The following KLHL13 variants were observed in gnomAD, a reference collection of about 807,000 sequenced individuals.
KLHL13 encodes kelch-like protein 13.
KLHL13 carries 10 observed loss-of-function variants against 37.1 expected under a neutral mutation model. The ratio of observed to expected loss-of-function variants is 0.27; its 90% CI spans 0.17 to 0.46. KLHL13 has a LOEUF of 0.46. KLHL13 is among the 20% of genes least tolerant of loss of function. The pLI, the probability that KLHL13 is intolerant of heterozygous loss-of-function variation, is 1.00. For missense variants in KLHL13, 360 were observed against 509.3 expected, an observed-to-expected ratio of 0.71 and a Z score of 2.82; for synonymous variants, 163 against 181.2, an observed-to-expected ratio of 0.90 and a Z score of 0.81.
At chrX:118,116,992 G>C (rs1357843152), upstream of KLHL13, 1 of 112,594 alleles carries the variant, frequency 8.9e-6, no homozygotes, top group African/African-American at 3.2e-5. Context: ...GAACTCCCAG[G>C]CTGTAGCGAA....
chrX:118,011,985 T>C (rs1167739315), intron 1 of KLHL13, among the ~76,000 whole-genome samples: 1 of 112,302 alleles, frequency 8.9e-6, no homozygotes, highest in Non-Finnish European at 1.9e-5. Context: ...AAATAGCTAG[T>C]TACTTCTGAT....
chrX:118,070,955 G>A (rs1448324096), intron 1 of KLHL13, among the ~76,000 whole-genome samples: 1 of 103,261 alleles, frequency 9.7e-6, no homozygotes, highest in African/African-American at 3.6e-5. Flanking sequence ...CCCTTCCTGT[G>A]TCCATGTGTT....
intron 1 of KLHL13, among the ~76,000 whole-genome samples, chrX:117,967,346 T>C (rs1280147975): frequency 9.0e-6 from 1 of 111,700 alleles, no homozygotes; most frequent in Non-Finnish European, 1.9e-5. Context: ...TGTTTGTAAT[T>C]CTTAACTCTT....
intron 1 of KLHL13, among the ~76,000 whole-genome samples, chrX:118,045,842 T>C (rs1358374744): frequency 3.6e-5 from 4 of 111,376 alleles, no homozygotes; most frequent in African/African-American, 1.3e-4. Flanking sequence ...TACACTGAGA[T>C]ATCATCTCAT....
intron 2 of KLHL13, among the ~76,000 whole-genome samples, chrX:117,941,765 T>C (rs1041862905): frequency 2.7e-5 from 3 of 111,652 alleles, no homozygotes; most frequent in African/African-American, 9.8e-5. Flanking sequence ...TCTATTTTGT[T>C]GATCTTTTCA....
Position 118,011,073 on chromosome X carries a change from AAAAT to A in KLHL13, c.-55-65502_-55-65499del, listed in dbSNP as rs746728611. Among the ~76,000 whole-genome samples, 17 of 108,367 alleles carry A rather than the reference AAAAT, an allele frequency of 1.6e-4. No homozygotes were observed. The East Asian group carries it at 2.0e-3, about 13-fold the overall frequency. The allele number at this position is 108,367 out of a possible 115,157, so 94.1% of individuals were successfully genotyped here. ...GGGTGACAGAGTGAGACACTGTCTC[AAAAT>A]AAATAAATAAATAAATAAATAAATA... On this transcript the variant is annotated intron_variant, in intron 1 of 6. Transcript: ENST00000371882.
chrX:118,038,289 G>A (rs2148052037), intron 1 of KLHL13, among the ~76,000 whole-genome samples: 1 of 112,286 alleles, frequency 8.9e-6, no homozygotes, highest in East Asian at 2.8e-4. Context: ...CCTGTAGGAA[G>A]ACGAAATTGA....
chrX:118,113,962 GAAT>G (rs2055439733), intron 1 of KLHL13, among the ~76,000 whole-genome samples: 1 of 112,072 alleles, frequency 8.9e-6, no homozygotes, highest in South Asian at 3.7e-4. Context: ...TGATTGTTAT[GAAT>G]ATCAGTAACT....
At chrX:118,053,802 A>AGAGAGAGGAGAG (rs2054646775) in intron 1 of KLHL13, among the ~76,000 whole-genome samples, 1 of 53,648 alleles carries the variant, frequency 1.9e-5, no homozygotes, top group African/African-American at 1.0e-4. Flanking sequence ...TGTGTGTGAG[A>AGAGAGAGGAGAG]GAGAGAGAGA....
intron 1 of KLHL13, among the ~76,000 whole-genome samples, chrX:117,989,536 A>C (rs1401188826): frequency 9.0e-6 from 1 of 111,083 alleles, no homozygotes; most frequent in Non-Finnish European, 1.9e-5. Context: ...AGGAATAGTT[A>C]ATGGAAGCTA....
intron 1 of KLHL13, among the ~76,000 whole-genome samples, chrX:118,009,048 C>G (rs2054023102): frequency 9.0e-6 from 1 of 111,371 alleles, no homozygotes; most frequent in Admixed American, 9.6e-5. Context: ...AGAGTCAATG[C>G]TATTGAGAAG....
At chrX:117,914,166 C>CT (rs962730620) in intron 4 of KLHL13, 5 of 106,998 alleles carry the variant, frequency 4.7e-5, no homozygotes, top group Non-Finnish European at 7.7e-5. Context: ...AAATCTAGGA[C>CT]TTTTTTTAAA....
intron 1 of KLHL13, among the ~76,000 whole-genome samples, chrX:117,992,492 A>T (rs186987824): frequency 1.8e-5 from 2 of 111,512 alleles, no homozygotes; most frequent in Admixed American, 9.5e-5. Context: ...CCCTGTTTAT[A>T]GGTTATGATC....
At chrX:118,008,587 T>C (rs1243102390) in intron 1 of KLHL13, among the ~76,000 whole-genome samples, 1 of 112,077 alleles carries the variant, frequency 8.9e-6, no homozygotes, top group Non-Finnish European at 1.9e-5. Context: ...CTGCACTCTC[T>C]AAAAAGATCA....
chrX:118,073,858 T>TG (rs1389361670), intron 1 of KLHL13, among the ~76,000 whole-genome samples: 3 of 111,651 alleles, frequency 2.7e-5, no homozygotes, highest in African/African-American at 9.8e-5. Context: ...CCCTCGTATC[T>TG]GTCAGGGAGG....
intron 2 of KLHL13, among the ~76,000 whole-genome samples, chrX:117,938,702 A>G (rs764406894): frequency 4.5e-5 from 5 of 111,646 alleles, no homozygotes; most frequent in Non-Finnish European, 9.4e-5. Context: ...AGGTAGGAGT[A>G]TAGTAGTGAG....
At chrX:118,066,972 T>C (rs12838764) in intron 1 of KLHL13, among the ~76,000 whole-genome samples, 77 of 111,772 alleles carry the variant, frequency 6.9e-4, no homozygotes, top group African/African-American at 2.2e-3. Context: ...GAGTTTCCAA[T>C]AGTTTCTCAT....
chrX:118,078,011 A>T (rs756039968), intron 1 of KLHL13, among the ~76,000 whole-genome samples: 1 of 112,249 alleles, frequency 8.9e-6, no homozygotes, highest in African/African-American at 3.2e-5. Context: ...TTTTGAGCAA[A>T]GCTCTTACTC....
At chrX:118,024,485 A>G (rs1446492494) in intron 1 of KLHL13, among the ~76,000 whole-genome samples, 1 of 112,068 alleles carries the variant, frequency 8.9e-6, no homozygotes, top group Non-Finnish European at 1.9e-5. Context: ...ACTGGAAGGA[A>G]ATATTCACAG....
Sources: allele counts gnomAD v4.1 joint callset (sites outside exome capture counted in the v4.1 genomes callset), GRCh38; gene constraint gnomAD v4.1.1; transcripts MANE v1.5; gene names NCBI Gene and HGNC (gene_info 2026-07-23, HGNC 2026-07-21).